Variants in SMPD3 observed in about 807,000 individuals in gnomAD.
SMPD3 encodes sphingomyelin phosphodiesterase 3.
In SMPD3, 21 loss-of-function variants were observed where a neutral mutation model predicts 55.7. The observed-to-expected ratio is 0.38, with a 90% CI of 0.27 to 0.54. The LOEUF (loss-of-function observed/expected upper bound fraction) is 0.54. SMPD3 is among the 20% of genes least tolerant of loss of function. SMPD3 has a pLI of 0.80. For synonymous variants in SMPD3, 457 were observed against 404.3 expected (o/e 1.13, Z -1.56); for missense variants, 842 against 899.6 (o/e 0.94, Z 0.82).
At chr16:68,446,688 A>C (rs1306255808) in intron 1 of SMPD3, among the ~76,000 whole-genome samples, 1 of 152,106 alleles carries the variant, frequency 6.6e-6, no homozygotes, top group Admixed American at 6.5e-5. Context: ...ATTTGACCTA[A>C]CATGGCTGAT....
At chr16:68,375,117 G>T (rs1259502556) in intron 2 of SMPD3, among the ~76,000 whole-genome samples, 1 of 152,126 alleles carries the variant, frequency 6.6e-6, no homozygotes, top group Non-Finnish European at 1.5e-5. Context: ...CCTCACCCCG[G>T]CACTGCCCTG....
intron 2 of SMPD3, among the ~76,000 whole-genome samples, chr16:68,386,253 G>C (rs2152001173): frequency 6.6e-6 from 1 of 152,054 alleles, no homozygotes; most frequent in East Asian, 1.9e-4. Flanking sequence ...TTAGTGGGCA[G>C]TGGTATCTGG....
chr16:68,393,747 T>A (rs1418774560), intron 1 of SMPD3, among the ~76,000 whole-genome samples: 1 of 152,238 alleles, frequency 6.6e-6, no homozygotes, highest in Non-Finnish European at 1.5e-5. Flanking sequence ...ATAAGATAGC[T>A]TTTGTCTTTT....
chr16:68,364,586 C>T (rs1040039161), intron 5 of SMPD3, 165 bp downstream of exon 5: 3 of 786,642 alleles, frequency 3.8e-6, no homozygotes, highest in African/African-American at 1.7e-5. Flanking sequence ...TCTTCCTGTT[C>T]TAGGATTTCT....
rs2090057412 is a variant in SMPD3 at position 68,386,625 on chromosome 16, G to T, written c.-234C>A. Reference sequence around the variant, plus strand: ...GAGGAGGGGCCACTGGGACCTTGTTGTCCTTCTCTCTGAAGAAGAGCTGTC... The same window carrying T: ...GAGGAGGGGCCACTGGGACCTTGTTTTCCTTCTCTCTGAAGAAGAGCTGTC... On this transcript the variant is annotated 5_prime_UTR_variant, in exon 2 of 9. Transcript: ENST00000219334. The T allele has an allele frequency of 1.4e-5, 2 of 147,260 alleles. No homozygotes were observed. The highest frequency in any genetic ancestry group is 5.0e-5 in the African/African-American group (2 of 40,236). 9.1% of individuals were successfully genotyped at this position (147,260 alleles called of 1,614,324 possible).
chr16:68,390,853 C>G (rs991796953), intron 1 of SMPD3, among the ~76,000 whole-genome samples: 2 of 152,038 alleles, frequency 1.3e-5, no homozygotes, highest in South Asian at 4.2e-4. Context: ...TTGGGTGAGA[C>G]CCTGGGGGAG....
intron 1 of SMPD3, among the ~76,000 whole-genome samples, chr16:68,415,495 G>T (rs1192807306): frequency 6.6e-6 from 1 of 152,244 alleles, no homozygotes; most frequent in Non-Finnish European, 1.5e-5. Flanking sequence ...AAGGTTCAAA[G>T]CAGGCTTCCC....
At position 68,371,269 on chromosome 16, in the gene SMPD3, C is replaced by T. The variant is rs752887825; in HGVS notation, c.913G>A (p.Gly305Arg). Residue 305 changes from glycine (G) to arginine (R), a missense_variant, in exon 3 of 9, where the codon GGG becomes AGG. By Grantham distance (125) the Gly-to-Arg change is moderately radical (BLOSUM62 -2). Transcript: ENST00000219334. ...GCACTGGTGTCTGGCCCAGCTCGCC[C>T]CTTCACCAGGGACTCCCGGGAGGCC... ...PSASRESLVK[G>R]RAGPDTSASG... 7.5e-6 allele frequency: 12 copies of T among 1,606,418 alleles called. No individual in the cohort carries two copies. Among genetic ancestry groups the T allele is most frequent in the Non-Finnish European group, 1.0e-5 (12 of 1,178,774 alleles).
At chr16:68,414,824 G>T (rs1451465316) in intron 1 of SMPD3, among the ~76,000 whole-genome samples, 2 of 152,216 alleles carry the variant, frequency 1.3e-5, no homozygotes, top group Non-Finnish European at 2.9e-5. Context: ...CCAGGTAGGA[G>T]GTGGCCTTGG....
rs1479346616 is a variant in SMPD3, at chr16:68,441,218, T to C, written c.-269+7135A>G. ...GTGATTTAGCTCAAAACCTAGGAGG[T>C]AGGCTTTATTATCACCTCATTCTGC... On this transcript the variant is annotated intron_variant, in intron 1 of 8. Transcript: ENST00000219334. Among the ~76,000 whole-genome samples, 10 of 152,246 alleles carry C rather than the reference T, an allele frequency of 6.6e-5. No homozygotes were observed. The East Asian group carries it at 1.7e-3, about 26-fold the overall frequency.
chr16:68,384,390 T>G (rs542439427), intron 2 of SMPD3, among the ~76,000 whole-genome samples: 2 of 152,236 alleles, frequency 1.3e-5, no homozygotes, highest in Non-Finnish European at 2.9e-5. Flanking sequence ...CCTTTCTCTC[T>G]TGATAGCTGA....
intron 3 of SMPD3, chr16:68,367,345 G>C (rs375783016): frequency 2.0e-5 from 3 of 152,300 alleles, no homozygotes; most frequent in African/African-American, 4.8e-5. Flanking sequence ...TGCTTTTACC[G>C]TTGAACACAC....
At chr16:68,363,690 G>A in intron 6 of SMPD3, 87 bp downstream of exon 6, 1 of 1,427,554 alleles carries the variant, frequency 7.0e-7, no homozygotes, top group South Asian at 1.2e-5. Flanking sequence ...CCCCAGCAGT[G>A]GGGTCTTGTG....
At chr16:68,388,422 C>T (rs1216025712) in intron 1 of SMPD3, among the ~76,000 whole-genome samples, 1 of 152,204 alleles carries the variant, frequency 6.6e-6, no homozygotes, top group Admixed American at 6.5e-5. Flanking sequence ...GCTGACCTGA[C>T]CCAGGCCACA....
At chr16:68,414,959 C>A (rs1158575903) in intron 1 of SMPD3, among the ~76,000 whole-genome samples, 1 of 152,050 alleles carries the variant, frequency 6.6e-6, no homozygotes, top group Admixed American at 6.5e-5. Context: ...AGGCCTCTGA[C>A]CTATGCATTG....
intron 1 of SMPD3, among the ~76,000 whole-genome samples, chr16:68,400,972 A>G (rs143305609): frequency 2.0e-5 from 3 of 152,322 alleles, no homozygotes; most frequent in African/African-American, 7.2e-5. Flanking sequence ...TGGATCTGCT[A>G]GTTTTGCACT....
At chr16:68,416,690 G>T (rs1484435781) in intron 1 of SMPD3, among the ~76,000 whole-genome samples, 1 of 152,238 alleles carries the variant, frequency 6.6e-6, no homozygotes, top group Non-Finnish European at 1.5e-5. Flanking sequence ...ATGTAGGTAG[G>T]TGTGCCTTAG....
At position 68,361,738 on chromosome 16, in the gene SMPD3, G is replaced by A; in HGVS notation, c.1731C>T (p.Gly577=). The A allele has an allele frequency of 6.2e-7, 1 of 1,612,680 alleles. No individual in the cohort carries two copies. The highest frequency in any genetic ancestry group is 1.1e-5 in the South Asian group (1 of 91,082). Residue 577 remains glycine (G), a synonymous_variant, in exon 8 of 9, where the codon GGC becomes GGT. Transcript: ENST00000219334. ...TGGGAAACGCCAGGTACTCCCTGCG[G>A]CCCTCCTCACTCTCCAGGACCCTGT... ...NLQKVLESEE[G]RREYLAFPTS... is the part of the protein sequence containing the mutation.
In SMPD3 at chr16:68,394,300, T is replaced by A. The variant is rs527369928; in HGVS notation, c.-268-7641A>T. The stretch of plus-strand genomic sequence containing the variant: ...CTGTTTTCTTTGTCTACATTTTAGG[T>A]TTCATGTCTTACCTTATCCTCAACA... On this transcript the variant is annotated intron_variant, in intron 1 of 8. Transcript: ENST00000219334. 4.1e-4 allele frequency among the ~76,000 whole-genome samples: 63 copies of A among 152,364 alleles called. 1 individual carries two copies. In the South Asian group the frequency reaches 0.013, roughly 31 times the overall value.
Sources: allele counts gnomAD v4.1 joint callset (sites outside exome capture counted in the v4.1 genomes callset), GRCh38; gene constraint gnomAD v4.1.1; transcripts MANE v1.5; gene names NCBI Gene and HGNC (gene_info 2026-07-23, HGNC 2026-07-21).